The following CTNND2 variants were observed in gnomAD, a reference collection of about 807,000 sequenced individuals.
CTNND2 encodes the protein catenin delta 2.
Under a neutral mutation model 144.4 loss-of-function variants are expected in CTNND2, and 22 were observed. The ratio of observed to expected loss-of-function variants is 0.15; its 90% CI spans 0.11 to 0.22. The LOEUF is 0.22. Among genes scored for constraint, CTNND2 ranks in the 10% least tolerant of loss-of-function variants. The pLI, the probability that CTNND2 is intolerant of heterozygous loss-of-function variation, is 1.00. For missense variants in CTNND2, 1,353 were observed against 1,618.8 expected (o/e 0.84, Z 2.82); for synonymous variants, 751 against 695.6 (o/e 1.08, Z -1.25).
chr5:11,278,467 C>A (rs2149991573), intron 9 of CTNND2, among the ~76,000 whole-genome samples: 1 of 152,276 alleles, frequency 6.6e-6, no homozygotes, highest in South Asian at 2.1e-4. Context: ...GACATCAAAG[C>A]ATGTTGGGCA....
chr5:11,379,546 A>T (rs979727285), intron 7 of CTNND2, among the ~76,000 whole-genome samples: 1 of 152,164 alleles, frequency 6.6e-6, no homozygotes, highest in Non-Finnish European at 1.5e-5. Context: ...AAAATAATAC[A>T]TTTAACTCTT....
At chr5:11,618,483 C>T (rs771262631) in intron 2 of CTNND2, among the ~76,000 whole-genome samples, 9 of 152,170 alleles carry the variant, frequency 5.9e-5, no homozygotes, top group Non-Finnish European at 1.3e-4. Context: ...GCTAATTGCT[C>T]CTAGGAAACG....
intron 1 of CTNND2, among the ~76,000 whole-genome samples, chr5:11,902,021 A>C (rs1170596385): frequency 6.6e-6 from 1 of 152,230 alleles, no homozygotes; most frequent in Non-Finnish European, 1.5e-5. Context: ...AAACTAAAGC[A>C]ATATTGCTAA....
intron 9 of CTNND2, among the ~76,000 whole-genome samples, chr5:11,292,284 G>C (rs1691157): frequency 6.6e-6 from 1 of 151,984 alleles, no homozygotes; most frequent in African/African-American, 2.4e-5. Flanking sequence ...ACACAGGGCC[G>C]TAGTAGATGT....
chr5:11,708,051 A>AT (rs11332164), intron 2 of CTNND2, among the ~76,000 whole-genome samples: 13,343 of 140,782 alleles, frequency 0.095, 692 homozygotes, highest in African/African-American at 0.12. Context: ...TTTAAAGATG[A>AT]TTTTTTTTTT....
At chr5:11,623,461 C>T (rs953089789) in intron 2 of CTNND2, among the ~76,000 whole-genome samples, 2 of 151,818 alleles carry the variant, frequency 1.3e-5, no homozygotes, top group African/African-American at 2.4e-5. Context: ...TGCCTTTTGC[C>T]TTGTGTCATG....
At chr5:11,221,612 G>C (rs1313479046) in intron 10 of CTNND2, among the ~76,000 whole-genome samples, 2 of 152,136 alleles carry the variant, frequency 1.3e-5, no homozygotes, top group African/African-American at 4.8e-5. Context: ...TCTATGCATG[G>C]ACATCACATG....
intron 3 of CTNND2, among the ~76,000 whole-genome samples, chr5:11,560,292 G>T (rs1476495417): frequency 6.6e-6 from 1 of 152,110 alleles, no homozygotes; most frequent in Non-Finnish European, 1.5e-5. Flanking sequence ...TCCATAGATA[G>T]ATCTAACTGT....
chr5:11,571,008 A>T (rs1420493478), intron 2 of CTNND2, among the ~76,000 whole-genome samples: 1 of 152,104 alleles, frequency 6.6e-6, no homozygotes, highest in Non-Finnish European at 1.5e-5. Flanking sequence ...TCTCTAATGA[A>T]TAATTCATTG....
rs143542824 is a variant in CTNND2 at position 11,383,347 on chromosome 5, A to G, written c.1177+1318T>C. ...ATCTGGTAACTTATTTTACAAAAGC[A>G]TTTACATGAAGTTTCAGTACATGTT... is the stretch of plus-strand genomic sequence containing the variant. On this transcript the variant is annotated intron_variant, in intron 7 of 21. Transcript: ENST00000304623. 3.4e-3 allele frequency among the ~76,000 whole-genome samples: 513 copies of G among 152,216 alleles called. 1 individual carries two copies. The highest frequency in any genetic ancestry group is 6.0e-3 in the South Asian group (29 of 4,816).
intron 5 of CTNND2, among the ~76,000 whole-genome samples, chr5:11,404,878 G>C (rs1369967702): frequency 6.6e-6 from 1 of 151,972 alleles, no homozygotes; most frequent in East Asian, 1.9e-4. Context: ...CCAAAGTGCT[G>C]GGATTGCAGG....
At chr5:11,472,480 T>G (rs1431476761) in intron 3 of CTNND2, among the ~76,000 whole-genome samples, 1 of 152,220 alleles carries the variant, frequency 6.6e-6, no homozygotes, top group Non-Finnish European at 1.5e-5. Flanking sequence ...CCCTAATTAA[T>G]TGCCTTTAAA....
intron 16 of CTNND2, among the ~76,000 whole-genome samples, chr5:11,072,973 C>T (rs1748504920): frequency 1.3e-5 from 2 of 152,222 alleles, no homozygotes; most frequent in African/African-American, 4.8e-5. Flanking sequence ...ATGGCACCAG[C>T]CTGGAGCCTT....
intron 3 of CTNND2, among the ~76,000 whole-genome samples, chr5:11,533,572 G>A (rs904748964): frequency 6.6e-6 from 1 of 152,202 alleles, no homozygotes; most frequent in Non-Finnish European, 1.5e-5. Context: ...CCAACACCCA[G>A]CACAACTCTT....
intron 9 of CTNND2, among the ~76,000 whole-genome samples, chr5:11,283,541 G>T (rs1485577811): frequency 1.3e-5 from 2 of 151,808 alleles, no homozygotes; most frequent in Admixed American, 1.3e-4. Flanking sequence ...GGGTGTGGTG[G>T]CACCTGCCTG....
chr5:11,097,704 T>C (rs550289992), intron 15 of CTNND2, among the ~76,000 whole-genome samples: 2 of 152,264 alleles, frequency 1.3e-5, no homozygotes, highest in South Asian at 2.1e-4. Flanking sequence ...GAGCTTCTGA[T>C]GTCCGTGTGT....
chr5:11,079,905 C>T (rs907264927), intron 16 of CTNND2, among the ~76,000 whole-genome samples: 3 of 152,130 alleles, frequency 2.0e-5, no homozygotes, highest in African/African-American at 4.8e-5. Context: ...CTATACGACA[C>T]TGGTCTGGGC....
At chr5:11,007,338 G>A (rs138632331) in intron 18 of CTNND2, among the ~76,000 whole-genome samples, 252 of 151,410 alleles carry the variant, frequency 1.7e-3, no homozygotes, top group Non-Finnish European at 3.1e-3. Context: ...CCTTACCAGC[G>A]GCCAATCTGT....
intron 9 of CTNND2, among the ~76,000 whole-genome samples, chr5:11,345,311 A>C (rs1754660549): frequency 6.6e-6 from 1 of 152,246 alleles, no homozygotes; most frequent in South Asian, 2.1e-4. Flanking sequence ...GGTAGATAAC[A>C]GTAAGCACTT....
Sources: allele counts gnomAD v4.1 joint callset (sites outside exome capture counted in the v4.1 genomes callset), GRCh38; gene constraint gnomAD v4.1.1; transcripts MANE v1.5; gene names NCBI Gene and HGNC (gene_info 2026-07-23, HGNC 2026-07-21).